The following PRICKLE2 variants were observed in gnomAD, a reference collection of about 807,000 sequenced individuals.
The protein encoded by PRICKLE2 is prickle planar cell polarity protein 2.
PRICKLE2 carries 21 observed loss-of-function variants against 81.4 expected under a neutral mutation model. The ratio of observed to expected loss-of-function variants is 0.26; its 90% CI spans 0.18 to 0.37. The LOEUF is 0.37. Ranked by LOEUF, PRICKLE2 falls within the 10% of genes least tolerant of loss-of-function variation. The pLI is 1.00. For synonymous variants in PRICKLE2, 456 were observed against 421.5 expected, an observed-to-expected ratio of 1.08 and a Z score of -1.00; for missense variants, 940 against 1,109.0, an observed-to-expected ratio of 0.85 and a Z score of 2.16.
chr3:64,234,824 A>C (rs2079157400), intron 2 of PRICKLE2, among the ~76,000 whole-genome samples: 1 of 152,014 alleles, frequency 6.6e-6, no homozygotes. Context: ...TTTGTCTTTC[A>C]ACATTTTGAT....
chr3:64,243,315 A>G (rs1430135491), intron 2 of PRICKLE2, among the ~76,000 whole-genome samples: 1 of 152,232 alleles, frequency 6.6e-6, no homozygotes, highest in African/African-American at 2.4e-5. Context: ...CATGTATTGC[A>G]TGGTGTTCAG....
At chr3:64,237,741 C>T (rs565969647) in intron 2 of PRICKLE2, among the ~76,000 whole-genome samples, 2 of 152,268 alleles carry the variant, frequency 1.3e-5, no homozygotes, top group Admixed American at 1.3e-4. Context: ...CCCTTTTCTG[C>T]CTAGTATTTC....
At chr3:64,138,626 A>G (rs1262114159) in intron 7 of PRICKLE2, among the ~76,000 whole-genome samples, 1 of 152,246 alleles carries the variant, frequency 6.6e-6, no homozygotes, top group Non-Finnish European at 1.5e-5. Flanking sequence ...GATCAAAAAA[A>G]TTTTGTTTAC....
At chr3:64,262,332 T>C (rs538068295) in intron 2 of PRICKLE2, among the ~76,000 whole-genome samples, 1 of 152,132 alleles carries the variant, frequency 6.6e-6, no homozygotes, top group Non-Finnish European at 1.5e-5. Flanking sequence ...CTCAAGCAAC[T>C]GGGTAGCTGG....
Position 64,099,708 on chromosome 3 carries a change from G to T in PRICKLE2, c.1878C>A (p.Asn626Lys). 1 of 1,614,206 alleles carries T rather than the reference G, an allele frequency of 6.2e-7. No homozygotes were observed. Among genetic ancestry groups the T allele is most frequent in the Non-Finnish European group, 8.5e-7 (1 of 1,180,052 alleles). The stretch of plus-strand genomic sequence containing the variant: ...ACTGCAGGTCTCTGTAGCCAATGGG[G>T]TTGCTGAGCTGGTGGAGGTTTCCCT... ...EMEGNLHQLSNPIGYRDLQSH... is the reference protein window; with the variant it reads ...EMEGNLHQLSKPIGYRDLQSH... Residue 626 changes from asparagine to lysine, a missense_variant, in exon 8 of 8, where the codon AAC becomes AAA. By Grantham distance (94) the Asn-to-Lys change is moderately conservative. This residue lies in a region of PRICKLE2 where 670 missense variants were observed against 717.2 expected (regional missense o/e 0.93). Transcript: ENST00000638394. This position sits in a 1 kb window ranked among gnomAD's most constrained non-coding sequence, Gnocchi z 4.3.
At chr3:64,250,017 A>T (rs1012933898) in intron 2 of PRICKLE2, among the ~76,000 whole-genome samples, 2 of 152,174 alleles carry the variant, frequency 1.3e-5, no homozygotes, top group Non-Finnish European at 2.9e-5. Flanking sequence ...GTAAAACTGA[A>T]CCTAGGACTT....
At chr3:64,202,472 T>A (rs1478399153) in intron 1 of PRICKLE2, among the ~76,000 whole-genome samples, 2 of 152,214 alleles carry the variant, frequency 1.3e-5, no homozygotes, top group Non-Finnish European at 2.9e-5. Flanking sequence ...GCACTTCTTT[T>A]AAGTTTATTC....
intron 7 of PRICKLE2, among the ~76,000 whole-genome samples, chr3:64,121,258 G>C (rs1056570296): frequency 2.6e-5 from 4 of 152,178 alleles, no homozygotes; most frequent in African/African-American, 9.6e-5. Context: ...GCAAAAAAAC[G>C]ATTGGGTGGG....
intron 2 of PRICKLE2, among the ~76,000 whole-genome samples, chr3:64,265,888 G>C (rs985355649): frequency 2.6e-5 from 4 of 152,214 alleles, no homozygotes; most frequent in Admixed American, 2.6e-4. Context: ...GGCTAGTGGG[G>C]AAGTGGGCTC....
intron 2 of PRICKLE2, among the ~76,000 whole-genome samples, chr3:64,245,413 A>G (rs965559328): frequency 6.6e-6 from 1 of 152,100 alleles, no homozygotes; most frequent in Non-Finnish European, 1.5e-5. Flanking sequence ...TCTCAGTCTC[A>G]TCTTTCCACT....
chr3:64,218,881 A>G (rs913688606), intron 1 of PRICKLE2, among the ~76,000 whole-genome samples: 2 of 152,174 alleles, frequency 1.3e-5, no homozygotes, highest in East Asian at 3.9e-4. Flanking sequence ...CAACGCCCCC[A>G]GGTAGATGCA....
At chr3:64,113,343 G>T (rs830356) in intron 7 of PRICKLE2, among the ~76,000 whole-genome samples, 81,419 of 151,968 alleles carry the variant, frequency 0.54, 21,933 homozygotes, top group South Asian at 0.61. Context: ...ATCAGATGGG[G>T]CTGGTCTGAC....
chr3:64,191,442 T>G (rs548268020), intron 2 of PRICKLE2, among the ~76,000 whole-genome samples: 1 of 152,292 alleles, frequency 6.6e-6, no homozygotes, highest in African/African-American at 2.4e-5. Context: ...GATCTCCAGG[T>G]CTAATAGTAC....
chr3:64,221,421 AC>A (rs2078951348), intron 1 of PRICKLE2, among the ~76,000 whole-genome samples: 1 of 25,562 alleles, frequency 3.9e-5, no homozygotes, highest in African/African-American at 1.9e-4. Flanking sequence ...CTTGATTCAT[AC>A]ACACACACAC....
At chr3:64,199,567 C>G (rs1435563818) in intron 1 of PRICKLE2, 2 of 152,602 alleles carry the variant, frequency 1.3e-5, no homozygotes, top group East Asian at 3.9e-4. Context: ...ATTAAAGATC[C>G]CTGTAGGTTT....
chr3:64,185,375 T>C (rs1284294910), intron 2 of PRICKLE2, among the ~76,000 whole-genome samples: 1 of 152,128 alleles, frequency 6.6e-6, no homozygotes, highest in African/African-American at 2.4e-5. Context: ...AAAAAGTCAG[T>C]CCCCAAGCTA....
intron 2 of PRICKLE2, among the ~76,000 whole-genome samples, chr3:64,237,538 ACTCTGCCACTCCACCT>A: frequency 6.6e-6 from 1 of 151,578 alleles, no homozygotes; most frequent in South Asian, 2.1e-4. Context: ...CTTTCCTGCC[ACTCTGCCACTCCACCT>A]CTCTGCCCTG....
rs1300998002 is a variant in PRICKLE2, at chr3:64,160,076, A to G, written c.260T>C (p.Val87Ala). The stretch of plus-strand genomic sequence containing the variant: ...CTCATCCAGGGAGTTGCAATATCGA[A>G]CCTGAATAGACACAGACAATGGCAT... ...LHQLPPHDNE[V>A]RYCNSLDEEE... The change falls in exon 4 of 8, where the codon GTT becomes GCT. Residue 87 changes from valine (V) to alanine (A), a missense_variant and splice_region_variant. Val to Ala is a moderately conservative substitution (Grantham distance 64). This residue lies in a region of PRICKLE2 where 270 missense variants were observed against 391.8 expected (regional missense o/e 0.69). Transcript: ENST00000638394. 1 of 1,613,922 alleles carries G rather than the reference A, an allele frequency of 6.2e-7. No individual in the cohort carries two copies. Among genetic ancestry groups the G allele is most frequent in the Non-Finnish European group, 8.5e-7 (1 of 1,179,914 alleles).
At chr3:64,184,202 T>A (rs891488010) in intron 2 of PRICKLE2, among the ~76,000 whole-genome samples, 1 of 152,330 alleles carries the variant, frequency 6.6e-6, no homozygotes, top group Non-Finnish European at 1.5e-5. Flanking sequence ...AAGATATACA[T>A]TTCTTGAAAT....
Sources: allele counts gnomAD v4.1 joint callset (sites outside exome capture counted in the v4.1 genomes callset), GRCh38; gene constraint gnomAD v4.1.1; regional missense constraint gnomAD v4.1.1; non-coding constraint Gnocchi (gnomAD v3.1); transcripts MANE v1.5; gene names NCBI Gene and HGNC (gene_info 2026-07-23, HGNC 2026-07-21).